Variants in RELCH observed in about 807,000 individuals in gnomAD.
RELCH encodes RAB11-binding protein RELCH.
Under a neutral mutation model 150.3 loss-of-function variants are expected in RELCH, and 41 were observed. That is an observed-to-expected ratio of 0.27 (90% CI 0.21 to 0.35). The LOEUF is 0.35. RELCH is among the 10% of genes least tolerant of loss of function. RELCH has a pLI of 1.00. For synonymous variants in RELCH, 478 were observed against 531.8 expected (o/e 0.90, Z 1.39); for missense variants, 1,092 against 1,467.8 (o/e 0.74, Z 4.18).
At chr18:62,266,134 AT>A (rs1237616959) in intron 18 of RELCH, among the ~76,000 whole-genome samples, 2 of 151,812 alleles carry the variant, frequency 1.3e-5, no homozygotes, top group African/African-American at 2.4e-5. Context: ...AATTTTAATA[AT>A]AAAAAATTTA....
At chr18:62,290,527 C>A (rs1405462346) in intron 26 of RELCH, among the ~76,000 whole-genome samples, 7 of 151,846 alleles carry the variant, frequency 4.6e-5, no homozygotes, top group Non-Finnish European at 1.0e-4. Flanking sequence ...GCAAAAAATT[C>A]TGTTAAAAAA....
chr18:62,291,883 T>A (rs1009208078), intron 27 of RELCH, among the ~76,000 whole-genome samples: 2 of 152,212 alleles, frequency 1.3e-5, no homozygotes, highest in Non-Finnish European at 2.9e-5. Context: ...AATAAGATAA[T>A]GTATGTGAAA....
At chr18:62,235,770 A>C (rs2041847356) in intron 10 of RELCH, among the ~76,000 whole-genome samples, 1 of 152,030 alleles carries the variant, frequency 6.6e-6, no homozygotes, top group Non-Finnish European at 1.5e-5. Context: ...CCTGGTTATC[A>C]AAACAACACT....
chr18:62,260,645 TAGTC>T (rs34037999), intron 15 of RELCH, among the ~76,000 whole-genome samples: 42,260 of 151,702 alleles, frequency 0.28, 7,016 homozygotes, highest in East Asian at 0.58. Context: ...CTATTCATAA[TAGTC>T]AGGATATAGA....
intron 22 of RELCH, chr18:62,277,556 T>TA (rs145288891): frequency 0.19 from 147,227 of 766,420 alleles, 14,983 homozygotes; most frequent in Middle Eastern, 0.22. Context: ...AATAAAAACA[T>TA]AAAAAAAACA....
chr18:62,292,006 G>C (rs1343120823), intron 27 of RELCH, among the ~76,000 whole-genome samples: 1 of 151,842 alleles, frequency 6.6e-6, no homozygotes, highest in African/African-American at 2.4e-5. Flanking sequence ...TTTGTCTCCT[G>C]TTTCCCCTCG....
Position 62,258,787 on chromosome 18 carries a change from CT to C in RELCH, c.2202+112del, listed in dbSNP as rs1281784129. 6.3e-6 allele frequency: 4 copies of C among 634,118 alleles called. No homozygotes were observed. The African/African-American group carries it at 7.8e-5, about 12-fold the overall frequency. The allele number at this position is 634,118 out of a possible 1,614,324, so 39.3% of individuals were successfully genotyped here. A position where few individuals can be genotyped will look rare whatever the true frequency, so the allele number is the denominator to read the frequency against. On this transcript the variant is annotated intron_variant, in intron 15 of 28. Transcript: ENST00000644646. ...CAGAAAGTGCCCTTAGCTTAACATA[CT>C]AATACATTACCAGTTAAAGATGCTG...
chr18:62,260,274 T>C (rs1436018825), intron 15 of RELCH, among the ~76,000 whole-genome samples: 2 of 147,976 alleles, frequency 1.4e-5, no homozygotes, highest in East Asian at 2.0e-4. Flanking sequence ...CCAAAAGTTA[T>C]ATGAAGAAGT....
intron 12 of RELCH, 32 bp downstream of exon 12, chr18:62,252,786 A>T: frequency 6.8e-7 from 1 of 1,462,152 alleles, no homozygotes. Context: ...TCACCTAGCT[A>T]TTATAGCCTG....
chr18:62,205,505 A>C (rs2039721171), intron 1 of RELCH, among the ~76,000 whole-genome samples: 1 of 152,214 alleles, frequency 6.6e-6, no homozygotes, highest in Non-Finnish European at 1.5e-5. Flanking sequence ...TTCTTTCAGC[A>C]TAAAGCGTTT....
intron 4 of RELCH, 53 bp from the exon 5 acceptor site, chr18:62,221,331 T>C (rs2040857540): frequency 1.3e-6 from 2 of 1,544,876 alleles, no homozygotes; most frequent in Non-Finnish European, 1.8e-6. Context: ...GTAACATAAA[T>C]ATTGAAGGAG....
chr18:62,214,387 A>G (rs2040356707), intron 2 of RELCH, among the ~76,000 whole-genome samples: 1 of 152,224 alleles, frequency 6.6e-6, no homozygotes, highest in African/African-American at 2.4e-5. Context: ...TAATTGGGAA[A>G]AGATAATTGT....
intron 1 of RELCH, among the ~76,000 whole-genome samples, chr18:62,207,174 C>G (rs909594247): frequency 3.5e-4 from 54 of 152,280 alleles, no homozygotes; most frequent in African/African-American, 1.2e-3. Context: ...TCACTAATCT[C>G]TATGTCTATA....
At chr18:62,296,206 G>A (rs1243164744) in intron 27 of RELCH, among the ~76,000 whole-genome samples, 1 of 152,148 alleles carries the variant, frequency 6.6e-6, no homozygotes, top group African/African-American at 2.4e-5. Flanking sequence ...ATAAAATAAG[G>A]TTAGTTAATT....
intron 2 of RELCH, among the ~76,000 whole-genome samples, chr18:62,215,309 A>G (rs1399498154): frequency 6.6e-6 from 1 of 152,184 alleles, no homozygotes; most frequent in African/African-American, 2.4e-5. Context: ...AAACATCTGT[A>G]TTATTTTCCT....
chr18:62,230,256 A>C (rs1330559759), intron 8 of RELCH, among the ~76,000 whole-genome samples: 1 of 151,998 alleles, frequency 6.6e-6, no homozygotes, highest in Non-Finnish European at 1.5e-5. Context: ...TGAGCCCAGG[A>C]GTTCTAGACC....
At chr18:62,263,015 G>C (rs560669873) in intron 16 of RELCH, among the ~76,000 whole-genome samples, 2 of 151,874 alleles carry the variant, frequency 1.3e-5, no homozygotes, top group African/African-American at 4.8e-5. Context: ...TTATCTTCAC[G>C]TGGCACACTT....
intron 8 of RELCH, among the ~76,000 whole-genome samples, chr18:62,229,950 A>G (rs2041466982): frequency 6.6e-6 from 1 of 152,072 alleles, no homozygotes; most frequent in Non-Finnish European, 1.5e-5. Context: ...TTGGGACATG[A>G]TGGTATCTAA....
intron 1 of RELCH, among the ~76,000 whole-genome samples, chr18:62,203,085 C>G (rs1326522815): frequency 3.9e-5 from 6 of 152,248 alleles, no homozygotes; most frequent in African/African-American, 1.4e-4. Flanking sequence ...TCAGGAATAT[C>G]TAGATATTAA....
Sources: gnomAD v4.1 joint callset for allele counts (sites outside exome capture counted in the v4.1 genomes callset) on GRCh38, gnomAD v4.1.1 for gene constraint, MANE v1.5 for transcripts, NCBI Gene and HGNC (gene_info 2026-07-23, HGNC 2026-07-21) for gene names.